The following AHRR variants were observed in gnomAD, a reference collection of about 807,000 sequenced individuals.
The protein encoded by AHRR is ahR repressor.
In AHRR, 28 loss-of-function variants were observed where a neutral mutation model predicts 44.0. That is an observed-to-expected ratio of 0.64 (90% CI 0.47 to 0.87). AHRR has a LOEUF of 0.87. Ranked by LOEUF, AHRR falls within the 40% of genes least tolerant of loss-of-function variation. The probability of loss-of-function intolerance (pLI) is 0.00; values close to 1 mark genes in which losing one functional copy is unlikely to be tolerated. For missense variants in AHRR, 990 were observed against 953.9 expected (o/e 1.04, Z -0.50); for synonymous variants, 434 against 407.0 (o/e 1.07, Z -0.80).
Position 387,333 on chromosome 5 carries a change from C to T in AHRR, c.351+10617C>T, listed in dbSNP as rs1211145162. ...GATGTTTCTCTTGGGGTCATAGCTG[C>T]CATTCCTGCTGCATGGTTCTGTGCA... On this transcript the variant is annotated intron_variant, in intron 4 of 10. Transcript: ENST00000684583. The surrounding 1 kb of genome is among the most constrained non-coding windows in gnomAD (Gnocchi z 5.1). Among the ~76,000 whole-genome samples the T allele has an allele frequency of 6.6e-6, 1 of 152,192 alleles. No homozygotes were observed. Among genetic ancestry groups the T allele is most frequent in the East Asian group, 1.9e-4 (1 of 5,192 alleles).
chr5:413,618 CG>C (rs1193349908), intron 5 of AHRR, among the ~76,000 whole-genome samples, 185 bp downstream of exon 5: 1 of 152,072 alleles, frequency 6.6e-6, no homozygotes, highest in Non-Finnish European at 1.5e-5. Context: ...AGCCTGGGTT[CG>C]GGGTCTCGGC....
chr5:422,642 T>C (rs1736181841), intron 5 of AHRR, 87 bp from the exon 6 acceptor site: 2 of 1,577,966 alleles, frequency 1.3e-6, no homozygotes, highest in African/African-American at 2.7e-5. Flanking sequence ...ACAAGTGGAG[T>C]GGAAATTTTT....
At position 434,513 on chromosome 5, in the gene AHRR, G is replaced by T. The variant is rs750074756; in HGVS notation, c.1773G>T (p.Val591=). Residue 591 remains valine, a synonymous_variant, in exon 11 of 11, where the codon GTG becomes GTT. Transcript: ENST00000684583. The part of the protein sequence containing the change: ...QVYISHLGHG[V]RGAQPHGRAT... ...ACATCTCGCACCTGGGGCACGGCGT[G>T]CGGGGGGCTCAGCCCCATGGGAGGG... 1.2e-6 allele frequency: 2 copies of T among 1,612,478 alleles called. No homozygotes were observed. The highest frequency in any genetic ancestry group is 1.7e-6 in the Non-Finnish European group (2 of 1,179,822).
chr5:367,303 A>G (rs1038914702), intron 3 of AHRR, among the ~76,000 whole-genome samples: 1 of 152,220 alleles, frequency 6.6e-6, no homozygotes, highest in Non-Finnish European at 1.5e-5. Flanking sequence ...CAGATGTGGG[A>G]CAGCATCGTG....
At chr5:354,108 G>A (rs1305394509) in intron 3 of AHRR, among the ~76,000 whole-genome samples, 197 bp downstream of exon 3, 8 of 152,222 alleles carry the variant, frequency 5.3e-5, no homozygotes. Context: ...TTTTCCCTGG[G>A]GCCAGGTCTG....
rs912148530 is a variant in AHRR, at chr5:419,600, G to A, written c.442-3129G>A. Among the ~76,000 whole-genome samples the A allele has an allele frequency of 3.9e-5, 6 of 152,144 alleles. No individual in the cohort carries two copies. Among genetic ancestry groups the A allele is most frequent in the African/African-American group, 7.2e-5 (3 of 41,410 alleles). Reference sequence around the variant, plus strand: ...TTCTAAAAAACTGGCCCTAAAACGTGTCAAGAGCTCGCACAGGAGTGTTTG... The same window carrying A: ...TTCTAAAAAACTGGCCCTAAAACGTATCAAGAGCTCGCACAGGAGTGTTTG... On this transcript the variant is annotated intron_variant, in intron 5 of 10. Transcript: ENST00000684583. The surrounding 1 kb of genome is among the most constrained non-coding windows in gnomAD (Gnocchi z 4.4).
chr5:403,682 AT>A (rs70955242), intron 4 of AHRR: 22,491 of 566,440 alleles, frequency 0.04, 6 homozygotes, highest in East Asian at 0.085. Flanking sequence ...TTAAAATGGT[AT>A]TTTTTTTTTT....
chr5:331,588 T>C (rs772285109), intron 1 of AHRR, among the ~76,000 whole-genome samples: 1 of 152,186 alleles, frequency 6.6e-6, no homozygotes, highest in Non-Finnish European at 1.5e-5. Context: ...TTTTTTGATA[T>C]AGACATTTAA....
At chr5:413,137 G>C (rs1735538777) in intron 4 of AHRR, among the ~76,000 whole-genome samples, 1 of 152,118 alleles carries the variant, frequency 6.6e-6, no homozygotes, top group Non-Finnish European at 1.5e-5. Flanking sequence ...AAGGGGCCTT[G>C]TAAACCATGG....
At chr5:345,559 T>G (rs528906072) in intron 2 of AHRR, among the ~76,000 whole-genome samples, 100 of 144,292 alleles carry the variant, frequency 6.9e-4, no homozygotes, top group African/African-American at 2.5e-3. Context: ...GATGTGTGTG[T>G]GGGGATGTGT....
chr5:429,407 C>T (rs375688941), intron 8 of AHRR, among the ~76,000 whole-genome samples: 100 of 152,326 alleles, frequency 6.6e-4, no homozygotes, highest in African/African-American at 2.1e-3. Flanking sequence ...GGCGAGTTGC[C>T]GCTCCTGCCA....
At chr5:332,961 G>A (rs1005325591) in intron 1 of AHRR, among the ~76,000 whole-genome samples, 3 of 119,172 alleles carry the variant, frequency 2.5e-5, no homozygotes, top group African/African-American at 1.0e-4. Flanking sequence ...TGTTTTTGGC[G>A]TAAAGTCTGT....
chr5:398,794 G>A (rs911007048), intron 4 of AHRR, among the ~76,000 whole-genome samples: 1 of 152,224 alleles, frequency 6.6e-6, no homozygotes, highest in African/African-American at 2.4e-5. Context: ...CCTGGGTCCT[G>A]CGGGCTCCGG....
At chr5:423,723 G>A (rs967813498) in intron 6 of AHRR, 118 bp from the exon 7 acceptor site, 3 of 1,331,658 alleles carry the variant, frequency 2.3e-6, no homozygotes, top group African/African-American at 3.0e-5. Context: ...GCGGGAGGAT[G>A]GCACAGTGAT....
At chr5:422,308 A>G in intron 5 of AHRR, 1 of 284,832 alleles carries the variant, frequency 3.5e-6, no homozygotes, top group South Asian at 3.2e-5. Flanking sequence ...AGGCATCGTG[A>G]AAGTGGGTGA....
intron 3 of AHRR, 61 bp from the exon 4 acceptor site, chr5:376,549 T>TTAATGA (rs1733683328): frequency 3.5e-6 from 5 of 1,410,068 alleles, no homozygotes; most frequent in African/African-American, 1.4e-5. Flanking sequence ...AAGATGTGAA[T>TTAATGA]GAAGAAGAGT....
intron 4 of AHRR, among the ~76,000 whole-genome samples, chr5:410,602 T>C (rs553717717): frequency 6.6e-6 from 1 of 152,338 alleles, no homozygotes; most frequent in East Asian, 1.9e-4. Context: ...TACAGATCAA[T>C]TTAGGGAGAC....
intron 5 of AHRR, among the ~76,000 whole-genome samples, chr5:415,971 A>G (rs1164255727): frequency 6.6e-6 from 1 of 152,200 alleles, no homozygotes; most frequent in Non-Finnish European, 1.5e-5. Context: ...CCTGAGCCCA[A>G]GGCCAGTCTC....
At chr5:418,897 G>T in intron 5 of AHRR, 1 of 152,846 alleles carries the variant, frequency 6.5e-6, no homozygotes, top group South Asian at 2.0e-4. Flanking sequence ...CGCAGGTCTT[G>T]GTGACTGGTG....
Sources: gnomAD v4.1 joint callset for allele counts (sites outside exome capture counted in the v4.1 genomes callset) on GRCh38, gnomAD v4.1.1 for gene constraint, Gnocchi (gnomAD v3.1) non-coding constraint, MANE v1.5 for transcripts, NCBI Gene and HGNC (gene_info 2026-07-23, HGNC 2026-07-21) for gene names.